SLC30A8: variants seen among roughly 807,000 people sequenced by gnomAD.
SLC30A8 encodes the protein solute carrier family 30 member 8, also known as proton-coupled zinc antiporter SLC30A8.
In SLC30A8, 27 loss-of-function variants were observed where a neutral mutation model predicts 36.9. The observed-to-expected ratio is 0.73, with a 90% CI of 0.54 to 1.01. The LOEUF is 1.01. Ranked by LOEUF, SLC30A8 falls within the 50% of genes least tolerant of loss-of-function variation. The pLI, the probability that SLC30A8 is intolerant of heterozygous loss-of-function variation, is 0.00. For missense variants in SLC30A8, 439 were observed against 452.0 expected, an observed-to-expected ratio of 0.97 and a Z score of 0.26; for synonymous variants, 164 against 172.4, an observed-to-expected ratio of 0.95 and a Z score of 0.38.
intron 2 of SLC30A8, among the ~76,000 whole-genome samples, chr8:117,152,308 A>C (rs1323901635): frequency 6.6e-6 from 1 of 152,120 alleles, no homozygotes; most frequent in Non-Finnish European, 1.5e-5. Context: ...ACATCAAATA[A>C]AGGGAAAAGC....
chr8:117,163,127 A>G (rs1235271435), intron 5 of SLC30A8, among the ~76,000 whole-genome samples: 2 of 152,246 alleles, frequency 1.3e-5, no homozygotes, highest in Non-Finnish European at 2.9e-5. Context: ...TTAATCTGCA[A>G]GAAGTTAAAT....
chr8:117,111,362 A>G (rs906193330), intron 2 of SLC30A8, among the ~76,000 whole-genome samples: 1 of 152,176 alleles, frequency 6.6e-6, no homozygotes, highest in African/African-American at 2.4e-5. Flanking sequence ...ACAAAAGGTA[A>G]GATCAGACTT....
At chr8:116,961,467 A>G (rs561272298) in intron 1 of SLC30A8, among the ~76,000 whole-genome samples, 3 of 152,042 alleles carry the variant, frequency 2.0e-5, no homozygotes, top group African/African-American at 7.2e-5. Context: ...ATGGCAACCT[A>G]CAAGTATATA....
upstream of SLC30A8, among the ~76,000 whole-genome samples, chr8:117,131,314 CTG>C (rs1346331287): frequency 6.6e-6 from 1 of 151,716 alleles, no homozygotes; most frequent in African/African-American, 2.4e-5. Flanking sequence ...AATACTCACA[CTG>C]TAGTAATAAC....
At chr8:117,062,746 A>G (rs1316380891) in intron 2 of SLC30A8, among the ~76,000 whole-genome samples, 2 of 152,234 alleles carry the variant, frequency 1.3e-5, no homozygotes, top group Non-Finnish European at 2.9e-5. Context: ...TGTGACCTTC[A>G]GAGTCTGGTT....
Position 117,163,411 on chromosome 8 carries a change from GTT to G in SLC30A8, c.724-6_724-5del. On this transcript the variant is annotated splice_polypyrimidine_tract_variant and intron_variant, in intron 5 of 7. Transcript: ENST00000456015. Reference sequence around the variant, plus strand: ...ATGAATTCAGTTAACCAAAATCCCTGTTTTTTTTTCTAGCCAGAGTATAAAAT... The same window carrying G: ...ATGAATTCAGTTAACCAAAATCCCTGTTTTTTTCTAGCCAGAGTATAAAAT... 1 of 1,539,508 alleles carries G rather than the reference GTT, an allele frequency of 6.5e-7. No individual in the cohort carries two copies. Among genetic ancestry groups the G allele is most frequent in the Non-Finnish European group, 8.9e-7 (1 of 1,126,756 alleles).
chr8:117,162,859 G>A (rs765625331), intron 5 of SLC30A8, among the ~76,000 whole-genome samples: 5 of 152,170 alleles, frequency 3.3e-5, no homozygotes, highest in East Asian at 3.9e-4. Flanking sequence ...ACCCTGAGGC[G>A]ACTGAGCAAG....
chr8:117,172,658 T>C lies in SLC30A8; in HGVS notation c.1087T>C (p.Phe363Leu). 1 of 1,613,668 alleles carries C rather than the reference T, an allele frequency of 6.2e-7. No homozygotes were observed. Among genetic ancestry groups the C allele is most frequent in the Non-Finnish European group, 8.5e-7 (1 of 1,179,676 alleles). The change falls in exon 8 of 8, where the codon TTC becomes CTC. Residue 363 changes from phenylalanine (F) to leucine (L), a missense_variant. Coordinates refer to ENST00000456015, the MANE Select transcript of SLC30A8 (RefSeq NM_173851.3). ...SPVDQDPDCL[F>L]CEDPCD ...AGTTGACCAGGACCCCGACTGCCTT[T>C]TCTGTGAAGACCCCTGTGACTAGCT...
chr8:116,986,681 T>A (rs928125699), intron 1 of SLC30A8, among the ~76,000 whole-genome samples: 2 of 152,098 alleles, frequency 1.3e-5, no homozygotes, highest in Non-Finnish European at 1.5e-5. Context: ...TGTGACAGCC[T>A]TCTCAGTCAT....
intron 1 of SLC30A8, among the ~76,000 whole-genome samples, chr8:116,979,300 A>C (rs927286955): frequency 2.0e-5 from 3 of 151,906 alleles, no homozygotes. Flanking sequence ...GTCTCTTTTA[A>C]GCACTCATTC....
chr8:117,143,648 T>A (rs1017492489), intron 1 of SLC30A8, among the ~76,000 whole-genome samples: 12 of 137,704 alleles, frequency 8.7e-5, no homozygotes, highest in Non-Finnish European at 1.3e-4. Context: ...GACTGTGTAC[T>A]CTTGCCTCTC....
chr8:116,993,838 A>G (rs796428141), intron 1 of SLC30A8, among the ~76,000 whole-genome samples: 5 of 152,084 alleles, frequency 3.3e-5, no homozygotes, highest in African/African-American at 1.2e-4. Flanking sequence ...GTAATAAATA[A>G]TAATACAAAA....
At chr8:117,108,245 A>G (rs1429998448) in intron 2 of SLC30A8, among the ~76,000 whole-genome samples, 1 of 152,206 alleles carries the variant, frequency 6.6e-6, no homozygotes, top group Non-Finnish European at 1.5e-5. Context: ...TGCCTGCACA[A>G]GGACTGCTGG....
chr8:116,972,378 A>G (rs1422330826), intron 1 of SLC30A8, among the ~76,000 whole-genome samples: 2 of 152,216 alleles, frequency 1.3e-5, no homozygotes, highest in African/African-American at 4.8e-5. Flanking sequence ...TATTAAATCG[A>G]TGCAGAGAAG....
At chr8:117,035,171 C>T (rs1586425650) in intron 1 of SLC30A8, among the ~76,000 whole-genome samples, 1 of 152,330 alleles carries the variant, frequency 6.6e-6, no homozygotes, top group South Asian at 2.1e-4. Context: ...AAAGTCTTAA[C>T]TCATTTCAGC....
At chr8:116,996,195 A>C (rs1400769682) in intron 1 of SLC30A8, among the ~76,000 whole-genome samples, 3 of 152,196 alleles carry the variant, frequency 2.0e-5, no homozygotes, top group African/African-American at 4.8e-5. Context: ...TTAGTCTCAC[A>C]AAATGTTAGC....
At chr8:117,134,132 A>G (rs1011627364), upstream of SLC30A8, among the ~76,000 whole-genome samples, 1 of 151,908 alleles carries the variant, frequency 6.6e-6, no homozygotes, top group African/African-American at 2.4e-5. Flanking sequence ...TATTCATTTT[A>G]TTAGGCCATT....
intron 4 of SLC30A8, among the ~76,000 whole-genome samples, chr8:117,161,075 A>C (rs77074170): frequency 0.018 from 2,805 of 152,322 alleles, 40 homozygotes; most frequent in Non-Finnish European, 0.029. Flanking sequence ...CTCAGACAAG[A>C]GATGCTCAGC....
intron 6 of SLC30A8, chr8:117,164,120 G>A (rs76500873): frequency 0.014 from 2,070 of 152,446 alleles, 16 homozygotes; most frequent in Non-Finnish European, 0.02. Flanking sequence ...GTGCCACTAG[G>A]TTGCCTAAGG....
Sources: allele counts gnomAD v4.1 joint callset (sites outside exome capture counted in the v4.1 genomes callset), GRCh38; gene constraint gnomAD v4.1.1; transcripts MANE v1.5; gene names NCBI Gene and HGNC (gene_info 2026-07-23, HGNC 2026-07-21).